The following ELMO1 variants were observed in gnomAD, a reference collection of about 807,000 sequenced individuals.
ELMO1 encodes engulfment and cell motility 1.
A neutral mutation model predicts 98.9 loss-of-function variants in ELMO1; 26 were observed. The observed-to-expected ratio is 0.26, with a 90% CI of 0.19 to 0.36. The LOEUF (loss-of-function observed/expected upper bound fraction) is 0.36. Ranked by LOEUF, ELMO1 falls within the 10% of genes least tolerant of loss-of-function variation. The probability of loss-of-function intolerance (pLI) is 1.00; values close to 1 mark genes in which losing one functional copy is unlikely to be tolerated. For missense variants in ELMO1, 627 were observed against 935.2 expected, an observed-to-expected ratio of 0.67 and a Z score of 4.30; for synonymous variants, 346 against 346.0, an observed-to-expected ratio of 1.00 and a Z score of 0.00.
At chr7:37,445,640 T>C (rs1457980778) in intron 1 of ELMO1, among the ~76,000 whole-genome samples, 1 of 151,500 alleles carries the variant, frequency 6.6e-6, no homozygotes, top group East Asian at 2.0e-4. Context: ...GTTAGCTTCT[T>C]TTCAATATAG....
chr7:37,347,111 A>C (rs2131280325), intron 1 of ELMO1, among the ~76,000 whole-genome samples: 1 of 152,368 alleles, frequency 6.6e-6, no homozygotes, highest in Admixed American at 6.5e-5. Flanking sequence ...CCTCTGGGAT[A>C]CAGCCAGGTG....
At chr7:37,333,492 T>A (rs1270645058) in intron 2 of ELMO1, among the ~76,000 whole-genome samples, 1 of 152,182 alleles carries the variant, frequency 6.6e-6, no homozygotes, top group African/African-American at 2.4e-5. Context: ...CTGCATTTCA[T>A]TTGCTGAAGG....
intron 16 of ELMO1, among the ~76,000 whole-genome samples, chr7:36,936,184 G>A (rs181187840): frequency 3.0e-4 from 46 of 152,242 alleles, no homozygotes; most frequent in Non-Finnish European, 6.2e-4. Flanking sequence ...CCAAGCAGAG[G>A]GTGGATTCAG....
At chr7:37,201,791 C>T (rs1350435722) in intron 13 of ELMO1, among the ~76,000 whole-genome samples, 1 of 152,238 alleles carries the variant, frequency 6.6e-6, no homozygotes, top group African/African-American at 2.4e-5. Context: ...TGCTCTGGTT[C>T]ACTAAGGAAT....
At chr7:37,171,203 T>C (rs889496627) in intron 13 of ELMO1, among the ~76,000 whole-genome samples, 2 of 152,056 alleles carry the variant, frequency 1.3e-5, no homozygotes, top group Non-Finnish European at 2.9e-5. Context: ...CCAGAAGAGT[T>C]CTTTCAATAA....
At chr7:37,379,125 C>T (rs1802484886) in intron 1 of ELMO1, among the ~76,000 whole-genome samples, 1 of 151,958 alleles carries the variant, frequency 6.6e-6, no homozygotes, top group African/African-American at 2.4e-5. Flanking sequence ...CTGCAAGCTC[C>T]GCCTCCCGGG....
intron 16 of ELMO1, among the ~76,000 whole-genome samples, chr7:36,917,469 G>T (rs781402520): frequency 1.1e-4 from 17 of 152,042 alleles, no homozygotes; most frequent in African/African-American, 3.4e-4. Flanking sequence ...TAGAGAATTG[G>T]ATAAAGGATA....
At chr7:37,149,714 C>A (rs1312981326) in intron 13 of ELMO1, among the ~76,000 whole-genome samples, 1 of 152,132 alleles carries the variant, frequency 6.6e-6, no homozygotes, top group African/African-American at 2.4e-5. Context: ...CATTTGCAGA[C>A]TCTTGTTCTA....
intron 8 of ELMO1, among the ~76,000 whole-genome samples, chr7:37,231,252 A>G (rs186503230): frequency 6.7e-5 from 10 of 149,006 alleles, no homozygotes; most frequent in Non-Finnish European, 1.3e-4. Context: ...CTCTGATCCT[A>G]CCCCCCTCAT....
chr7:37,434,142 A>C (rs1166929174), intron 1 of ELMO1, among the ~76,000 whole-genome samples: 1 of 152,232 alleles, frequency 6.6e-6, no homozygotes, highest in African/African-American at 2.4e-5. Flanking sequence ...TATTGGGAGA[A>C]CAGATCCAGG....
chr7:37,443,317 C>A (rs1805485242), intron 1 of ELMO1, among the ~76,000 whole-genome samples: 1 of 152,176 alleles, frequency 6.6e-6, no homozygotes, highest in Non-Finnish European at 1.5e-5. Flanking sequence ...AAAACTGTAG[C>A]CTCAATTCCT....
chr7:37,168,072 G>A (rs1372377247), intron 13 of ELMO1, among the ~76,000 whole-genome samples: 29 of 150,472 alleles, frequency 1.9e-4, no homozygotes, highest in South Asian at 4.2e-4. Context: ...TTCCCTTCTC[G>A]CTTCATTTCA....
intron 4 of ELMO1, among the ~76,000 whole-genome samples, chr7:37,281,870 G>A (rs1021317307): frequency 1.3e-5 from 2 of 152,166 alleles, no homozygotes; most frequent in African/African-American, 4.8e-5. Flanking sequence ...TGCACACAAT[G>A]TACGAGGAGA....
intron 14 of ELMO1, among the ~76,000 whole-genome samples, chr7:37,106,845 G>A (rs937930976): frequency 6.6e-6 from 1 of 152,124 alleles, no homozygotes; most frequent in African/African-American, 2.4e-5. Context: ...TACAATCCCA[G>A]TACTTCTCAA....
chr7:37,098,373 G>A (rs185336382), intron 14 of ELMO1, among the ~76,000 whole-genome samples: 13 of 152,304 alleles, frequency 8.5e-5, no homozygotes, highest in East Asian at 3.9e-4. Context: ...ACAGTTTATC[G>A]CAAGTGCTAT....
intron 6 of ELMO1, among the ~76,000 whole-genome samples, chr7:37,257,798 G>A (rs961908287): frequency 6.7e-5 from 10 of 149,776 alleles, no homozygotes; most frequent in African/African-American, 9.9e-5. Context: ...TCAAGAGATC[G>A]AGACCATCTG....
At chr7:36,946,326 T>C (rs1463141923) in intron 16 of ELMO1, among the ~76,000 whole-genome samples, 1 of 152,226 alleles carries the variant, frequency 6.6e-6, no homozygotes, top group East Asian at 1.9e-4. Flanking sequence ...GGGGCAGCTA[T>C]GAGGACTACA....
intron 19 of ELMO1, among the ~76,000 whole-genome samples, chr7:36,876,992 T>C (rs1804037617): frequency 6.6e-6 from 1 of 152,272 alleles, no homozygotes. Flanking sequence ...TGTTCTAGGC[T>C]ATCTGCCTGA....
chr7:37,142,686 A>C (rs1163364970), intron 13 of ELMO1, among the ~76,000 whole-genome samples: 1 of 152,258 alleles, frequency 6.6e-6, no homozygotes, highest in Non-Finnish European at 1.5e-5. Context: ...AATATTAGCC[A>C]CTGTGCATCA....
Sources: allele counts gnomAD v4.1 joint callset (sites outside exome capture counted in the v4.1 genomes callset), GRCh38; gene constraint gnomAD v4.1.1; transcripts MANE v1.5; gene names NCBI Gene and HGNC (gene_info 2026-07-23, HGNC 2026-07-21).